Variants in KRT82 observed in about 807,000 individuals in gnomAD.
KRT82 encodes the protein keratin 82, also known as keratin, type II cuticular Hb2.
A neutral mutation model predicts 48.0 loss-of-function variants in KRT82; 44 were observed. That is an observed-to-expected ratio of 0.92 (90% confidence interval 0.72 to 1.18). The LOEUF is 1.18. Ranked by LOEUF, KRT82 falls within the 50% of genes most tolerant of loss-of-function variation. KRT82 has a pLI of 0.00. For missense variants in KRT82, 701 were observed against 671.4 expected (o/e 1.04, Z -0.49); for synonymous variants, 297 against 278.3 (o/e 1.07, Z -0.67).
chr12:52,403,868 C>T lies in KRT82; in HGVS notation c.453G>A (p.Lys151=). 2 of 1,614,060 alleles carry T rather than the reference C, an allele frequency of 1.2e-6. No individual in the cohort carries two copies. Among genetic ancestry groups the T allele is most frequent in the Non-Finnish European group, 8.5e-7 (1 of 1,180,044 alleles). ...ACCTCTGCTGCTGCATGAAGTTCCA[C>T]TTGGTCTCCAGCAGCTTGTTCTTCT... ...LEQKNKLLET[K]WNFMQQQRCC... is the part of the protein sequence containing the mutation. The change falls in exon 2 of 9, where the codon AAG becomes AAA. Residue 151 remains lysine (K), a synonymous_variant. Transcript: ENST00000257974.
chr12:52,399,921 G>C (rs1939763162), intron 5 of KRT82, 64 bp downstream of exon 5: 5 of 1,539,214 alleles, frequency 3.2e-6, no homozygotes, highest in Non-Finnish European at 4.5e-6. Context: ...AGGAGTCTGG[G>C]GGTCCTCCCC....
At chr12:52,404,205 C>T in intron 1 of KRT82, among the ~76,000 whole-genome samples, 1 of 152,192 alleles carries the variant, frequency 6.6e-6, no homozygotes, top group East Asian at 1.9e-4. Context: ...CTGCCTGCCT[C>T]TCTCTATCCT....
Position 52,396,183 on chromosome 12 carries a change from G to A in KRT82, c.1118C>T (p.Ala373Val), listed in dbSNP as rs143936905. 2.5e-4 allele frequency: 401 copies of A among 1,613,970 alleles called. No individual in the cohort carries two copies. Among genetic ancestry groups the A allele is most frequent in the African/African-American group, 1.4e-3 (107 of 74,928 alleles). The change falls in exon 7 of 9, where the codon GCG becomes GTG. Residue 373 changes from alanine to valine, a missense_variant. Ala to Val is a moderately conservative substitution (Grantham distance 64, BLOSUM62 0). Coordinates refer to ENST00000257974, the MANE Select transcript of KRT82 (RefSeq NM_033033.4). ...AIAEAEQQGE[A>V]ALNDAKCKLA... The stretch of plus-strand genomic sequence containing the variant: ...CTTGCACTTGGCATCATTGAGAGCC[G>A]CCTCGCCCTGCTGCTCTGCCTCAGC...
Position 52,403,885 on chromosome 12 carries a change from T to C in KRT82, c.436A>G (p.Lys146Glu). The C allele has an allele frequency of 6.2e-7, 1 of 1,613,944 alleles. No individual in the cohort carries two copies. Among genetic ancestry groups the C allele is most frequent in the Non-Finnish European group, 8.5e-7 (1 of 1,179,998 alleles). The change falls in exon 2 of 9, where the codon AAG (lysine) becomes GAG (glutamate). Residue 146 changes from lysine to glutamate, a missense_variant. Transcript: ENST00000257974. ...NKVRFLEQKN[K>E]LLETKWNFMQ... ...AAGTTCCACTTGGTCTCCAGCAGCT[T>C]GTTCTTCTGCTCCAGGAAACGGACC...
intron 4 of KRT82, 89 bp from the exon 5 acceptor site, chr12:52,400,238 C>A: frequency 7.5e-7 from 1 of 1,332,954 alleles, no homozygotes; most frequent in Non-Finnish European, 1.0e-6. Flanking sequence ...CTTCCCAGAG[C>A]AGAGTGCATA....
Position 52,403,456 on chromosome 12 carries a change from C to CAG in KRT82, c.620+243_620+244dup, listed in dbSNP as rs1236522539. On this transcript the variant is annotated intron_variant, in intron 2 of 8. Transcript: ENST00000257974. ...GCCACACATGAAAGAGCTTATTTTA[C>CAG]AGAGAGAGAGAGATCTGAGGGCTTT... Among the ~76,000 whole-genome samples the CAG allele has an allele frequency of 2.7e-3, 410 of 152,154 alleles. 4 individuals carry two copies. Among genetic ancestry groups the CAG allele is most frequent in the African/African-American group, 9.3e-3 (385 of 41,516 alleles).
In KRT82 at chr12:52,394,653, G is replaced by A. The variant is rs1186014279; in HGVS notation, c.*322C>T. 5 of 389,602 alleles carry A rather than the reference G, an allele frequency of 1.3e-5. No individual in the cohort carries two copies. The highest frequency in any genetic ancestry group is 2.4e-5 in the Non-Finnish European group (5 of 209,282). 24.1% of individuals were successfully genotyped at this position (389,602 alleles called of 1,614,324 possible). A position where few individuals can be genotyped will look rare whatever the true frequency, so the allele number is the denominator to read the frequency against. On this transcript the variant is annotated 3_prime_UTR_variant, in exon 9 of 9. Transcript: ENST00000257974. ...AAACTTCCATGGGATGATCCACAGA[G>A]CAGAACTGTGGTGTGCCCATTTGAC...
chr12:52,401,246 C>T (rs761435109), intron 3 of KRT82, 43 bp downstream of exon 3: 2 of 1,579,190 alleles, frequency 1.3e-6, no homozygotes, highest in Admixed American at 3.3e-5. Flanking sequence ...TGGGGCAACG[C>T]AGGCCAGCTC....
chr12:52,396,134 C>G lies in KRT82; in HGVS notation c.1167G>C (p.Leu389=), dbSNP rs1489771926. ...AGGCCATGTCCTGCTTGGCCTTCTG[C>G]AGAGCCTCCTCCAGCCCTGCCAGCT... ...KCKLAGLEEA[L]QKAKQDMACL... is the part of the protein sequence containing the mutation. Residue 389 remains leucine, a synonymous_variant, in exon 7 of 9, where the codon CTG becomes CTC. Transcript: ENST00000257974. The G allele has an allele frequency of 6.2e-7, 1 of 1,614,214 alleles. No individual in the cohort carries two copies.
rs145722634 is a variant in KRT82 at position 52,405,914 on chromosome 12, C to T, written c.364G>A (p.Glu122Lys). Reference protein sequence around the residue: ...TVQRVKRDEKEQIKCLNNRFA... With the variant: ...TVQRVKRDEKKQIKCLNNRFA... ...CGGTTGTTGAGGCACTTGATCTGCTCCTTCTCATCCCTCTTTACCCTCTGC... is the reference window on the plus strand; with the variant it reads ...CGGTTGTTGAGGCACTTGATCTGCTTCTTCTCATCCCTCTTTACCCTCTGC... The change falls in exon 1 of 9, where the codon GAG (glutamate) becomes AAG (lysine). Residue 122 changes from glutamate (E) to lysine (K), a missense_variant. Glu to Lys is a moderately conservative substitution (Grantham distance 56). Coordinates refer to ENST00000257974, the MANE Select transcript of KRT82 (RefSeq NM_033033.4). 6.2e-7 allele frequency: 1 copy of T among 1,614,064 alleles called. No homozygotes were observed. Among genetic ancestry groups the T allele is most frequent in the Non-Finnish European group, 8.5e-7 (1 of 1,179,976 alleles).
chr12:52,400,220 G>T (rs191783127), intron 4 of KRT82, 71 bp from the exon 5 acceptor site: 1 of 1,465,294 alleles, frequency 6.8e-7, no homozygotes, highest in Non-Finnish European at 9.4e-7. Flanking sequence ...GGGAGAACCC[G>T]TTCTGACCTT....
intron 5 of KRT82, among the ~76,000 whole-genome samples, 194 bp downstream of exon 5, chr12:52,399,791 G>A (rs1451946341): frequency 1.3e-5 from 2 of 152,222 alleles, no homozygotes; most frequent in African/African-American, 2.4e-5. Context: ...TCCCTCCCAC[G>A]TGCTCTGCAG....
At position 52,403,706 on chromosome 12, in the gene KRT82, C is replaced by T. The variant is rs755383874; in HGVS notation, c.615G>A (p.Lys205=). The T allele has an allele frequency of 1.2e-6, 2 of 1,601,308 alleles. No homozygotes were observed. Among genetic ancestry groups the T allele is most frequent in the Non-Finnish European group, 1.7e-6 (2 of 1,169,766 alleles). ...CSLQAALEGY[K]KKYEEELSLR... is the part of the protein sequence containing the mutation. ...TAAAAGCAGCACTGACTCACTTTTTCTTGTAGCCCTCCAGTGCAGCCTGGA... is the reference window on the plus strand; with the variant it reads ...TAAAAGCAGCACTGACTCACTTTTTTTTGTAGCCCTCCAGTGCAGCCTGGA... Residue 205 remains lysine, a synonymous_variant, in exon 2 of 9, where the codon AAG becomes AAA. Coordinates refer to ENST00000257974, the MANE Select transcript of KRT82 (RefSeq NM_033033.4).
At chr12:52,400,208 AG>A in intron 4 of KRT82, 59 bp from the exon 5 acceptor site, 7 of 1,548,990 alleles carry the variant, frequency 4.5e-6, no homozygotes, top group Non-Finnish European at 5.3e-6. Flanking sequence ...GGACAGGAGA[AG>A]GGGAGAACCC....
chr12:52,395,543 G>T (rs1209815549), intron 8 of KRT82, among the ~76,000 whole-genome samples: 1 of 152,134 alleles, frequency 6.6e-6, no homozygotes, highest in Non-Finnish European at 1.5e-5. Context: ...GGGCCCTGAA[G>T]CACTTGGACC....
intron 2 of KRT82, among the ~76,000 whole-genome samples, 162 bp from the exon 3 acceptor site, chr12:52,401,511 T>G (rs1011235042): frequency 6.6e-6 from 1 of 152,146 alleles, no homozygotes; most frequent in African/African-American, 2.4e-5. Context: ...CTCCACCCAC[T>G]TGAGATGGAT....
chr12:52,401,288 C>A lies in KRT82; in HGVS notation c.681+1G>T. Reference sequence around the variant, plus strand: ...TCTGCCTCTCTGAGCTTCCTCCTTACCTTCTTCAAGGCAACAAACTCATTC... The same window carrying A: ...TCTGCCTCTCTGAGCTTCCTCCTTAACTTCTTCAAGGCAACAAACTCATTC... On this transcript the variant is annotated splice_donor_variant, in intron 3 of 8. Coordinates refer to ENST00000257974, the MANE Select transcript of KRT82 (RefSeq NM_033033.4). LOFTEE classifies it high-confidence loss of function. 1 of 1,613,980 alleles carries A rather than the reference C, an allele frequency of 6.2e-7. No homozygotes were observed. Among genetic ancestry groups the A allele is most frequent in the Non-Finnish European group, 8.5e-7 (1 of 1,179,866 alleles).
rs2121487918 is a variant in KRT82, at chr12:52,406,051, G to A, written c.227C>T (p.Pro76Leu). 1.2e-6 allele frequency: 2 copies of A among 1,614,108 alleles called. No homozygotes were observed. Among genetic ancestry groups the A allele is most frequent in the East Asian group, 2.2e-5 (1 of 44,874 alleles). Residue 76 changes from proline (P) to leucine (L), a missense_variant, in exon 1 of 9, where the codon CCT becomes CTT. Transcript: ENST00000257974. The part of the protein sequence containing the change: ...RVASRCGGTL[P>L]GFGYRLGATC... ...GGCTCCCAGTCGGTACCCGAAGCCA[G>A]GCAGGGTACCTCCACACCTGGAGGC...
At chr12:52,405,169 C>T (rs540057740) in intron 1 of KRT82, among the ~76,000 whole-genome samples, 6 of 152,236 alleles carry the variant, frequency 3.9e-5, no homozygotes, top group South Asian at 4.2e-4. Context: ...TGGGAATCTG[C>T]GCTCTTCCTG....
Sources: allele counts gnomAD v4.1 joint callset (sites outside exome capture counted in the v4.1 genomes callset), GRCh38; gene constraint gnomAD v4.1.1; transcripts MANE v1.5; gene names NCBI Gene and HGNC (gene_info 2026-07-23, HGNC 2026-07-21).